Variants in SEC14L5 observed in about 807,000 individuals in gnomAD.
The protein encoded by SEC14L5 is SEC14-like protein 5.
SEC14L5 carries 96 observed loss-of-function variants against 84.6 expected under a neutral mutation model. The observed-to-expected ratio is 1.13, with a 90% CI of 0.96 to 1.34. The LOEUF (loss-of-function observed/expected upper bound fraction) is 1.34, where lower values mean the gene tolerates loss of function less well. Ranked by LOEUF, SEC14L5 falls within the 40% of genes most tolerant of loss-of-function variation. The pLI is 0.00. For synonymous variants in SEC14L5, 546 were observed against 383.4 expected (o/e 1.42, Z -4.95); for missense variants, 1,224 against 942.5 (o/e 1.30, Z -3.91).
intron 8 of SEC14L5, 112 bp downstream of exon 8, chr16:4,997,156 T>A: frequency 1.4e-6 from 1 of 724,326 alleles, no homozygotes; most frequent in Non-Finnish European, 2.1e-6. Context: ...TGGAGTGCAG[T>A]GGTGCCATCT....
In SEC14L5 at chr16:4,997,003, TGGA is replaced by T. The variant is rs761678438; in HGVS notation, c.934_936del (p.Glu312del). The T allele has an allele frequency of 5.0e-6, 8 of 1,613,290 alleles. No homozygotes were observed. In the South Asian group the frequency reaches 8.8e-5, roughly 18 times the overall value. On this transcript the variant is annotated inframe_deletion, in exon 8 of 16. Transcript: ENST00000251170. ...CAGACCTGGCAACCCCCTGCCCTGC[TGGA>T]GGAGTTCTATGCAGGGGGCTGGCAT...
intron 2 of SEC14L5, among the ~76,000 whole-genome samples, chr16:4,969,138 A>G (rs1470655619): frequency 6.6e-6 from 1 of 152,174 alleles, no homozygotes; most frequent in Non-Finnish European, 1.5e-5. Context: ...TGCTGCTCTG[A>G]TTTGCGCTGG....
At chr16:4,974,396 G>A (rs1026918261) in intron 2 of SEC14L5, among the ~76,000 whole-genome samples, 3 of 151,524 alleles carry the variant, frequency 2.0e-5, no homozygotes, top group Non-Finnish European at 4.4e-5. Context: ...TAGAGATGAG[G>A]TCTTGCTATG....
At position 4,998,840 on chromosome 16, in the gene SEC14L5, C is replaced by T. The variant is rs914420588; in HGVS notation, c.970+1796C>T. Among the ~76,000 whole-genome samples the T allele has an allele frequency of 2.6e-5, 4 of 151,304 alleles. No homozygotes were observed. In the East Asian group the frequency reaches 7.8e-4, roughly 29 times the overall value. On this transcript the variant is annotated intron_variant, in intron 8 of 15. Coordinates refer to ENST00000251170, the MANE Select transcript of SEC14L5 (RefSeq NM_014692.2). ...AACCGGCTGGCATGGTTTCTCTTAA[C>T]GATCAATCTTCCTAATTTATGGAAT...
intron 4 of SEC14L5, 82 bp from the exon 5 acceptor site, chr16:4,990,685 C>T (rs1955542743): frequency 7.2e-7 from 1 of 1,394,736 alleles, no homozygotes; most frequent in Non-Finnish European, 9.6e-7. Flanking sequence ...TCTGCCTGGG[C>T]CCAGGTCAGT....
At position 4,987,821 on chromosome 16, in the gene SEC14L5, G is replaced by A. The variant is rs532598514; in HGVS notation, c.213+115G>A. 3.5e-4 allele frequency: 279 copies of A among 788,316 alleles called. 2 individuals carry two copies. Among genetic ancestry groups the A allele is most frequent in the Non-Finnish European group, 4.9e-4 (253 of 515,630 alleles). The allele number at this position is 788,316 out of a possible 1,614,324, so 48.8% of individuals were successfully genotyped here. ...GGGGTCCAGGAGGTGGAGCAGGGGC[G>A]TGTGAGTTGATATTTGGATGGAGGT... is the stretch of plus-strand genomic sequence containing the variant. On this transcript the variant is annotated intron_variant, in intron 3 of 15. Transcript: ENST00000251170.
At chr16:5,014,835 G>C in intron 15 of SEC14L5, 24 bp from the exon 16 acceptor site, 2 of 1,579,820 alleles carry the variant, frequency 1.3e-6, no homozygotes, top group Non-Finnish European at 1.7e-6. Context: ...AGAGGGTAAC[G>C]TGTGCCACGC....
chr16:4,988,379 C>G (rs1436740607), intron 4 of SEC14L5, 99 bp downstream of exon 4: 26 of 1,414,402 alleles, frequency 1.8e-5, no homozygotes, highest in Non-Finnish European at 2.3e-5. Flanking sequence ...TGAGCCTCTG[C>G]CAAGCCCTCC....
intron 2 of SEC14L5, among the ~76,000 whole-genome samples, chr16:4,987,340 T>C (rs976562584): frequency 1.3e-5 from 2 of 152,222 alleles, no homozygotes; most frequent in Non-Finnish European, 2.9e-5. Context: ...GCAAAACTTA[T>C]GTGCCAAATC....
intron 15 of SEC14L5, among the ~76,000 whole-genome samples, chr16:5,012,642 C>T (rs140370237): frequency 7.2e-5 from 11 of 152,316 alleles, no homozygotes; most frequent in African/African-American, 1.9e-4. Flanking sequence ...TGGTGGCTCA[C>T]GCCTGTAATC....
rs116573409 is a variant in SEC14L5 at position 4,975,943 on chromosome 16, T to G, written c.64-11614T>G. On this transcript the variant is annotated intron_variant, in intron 2 of 15. Transcript: ENST00000251170. ...TGCAGCTTGGATATTCTTTCTGCATTCTTACTGGACGTTTTGGCGTAAGTG... is the reference window on the plus strand; with the variant it reads ...TGCAGCTTGGATATTCTTTCTGCATGCTTACTGGACGTTTTGGCGTAAGTG... 2.6e-3 allele frequency among the ~76,000 whole-genome samples: 392 copies of G among 152,308 alleles called. 3 individuals are homozygous for G. The highest frequency in any genetic ancestry group is 8.8e-3 in the African/African-American group (367 of 41,560).
chr16:5,001,216 C>T (rs1315024103), intron 10 of SEC14L5, among the ~76,000 whole-genome samples: 2 of 151,616 alleles, frequency 1.3e-5, no homozygotes, highest in Admixed American at 6.6e-5. Context: ...AAGACTTTAT[C>T]CTCCCACTCC....
chr16:5,000,725 G>A lies in SEC14L5; in HGVS notation c.1041G>A (p.Glu347=), dbSNP rs759490308. ...DTKGLMKAVG[E]EALLRHVLSV... ...AAGGCTTGATGAAGGCCGTGGGGGA[G>A]GAGGCGCTGCTGCGGCATGTGAGTC... Residue 347 remains glutamate, a synonymous_variant, in exon 9 of 16, where the codon GAG becomes GAA. Coordinates refer to ENST00000251170, the MANE Select transcript of SEC14L5 (RefSeq NM_014692.2). The A allele has an allele frequency of 2.6e-6, 4 of 1,552,616 alleles. No homozygotes were observed. Among genetic ancestry groups the A allele is most frequent in the Non-Finnish European group, 3.5e-6 (4 of 1,147,774 alleles).
chr16:4,972,624 A>G (rs551640126), intron 2 of SEC14L5, among the ~76,000 whole-genome samples: 1 of 152,316 alleles, frequency 6.6e-6, no homozygotes, highest in Admixed American at 6.5e-5. Context: ...ACTGGACACA[A>G]TGTCTTCCAG....
chr16:4,968,361 C>T (rs1955233203), intron 2 of SEC14L5, among the ~76,000 whole-genome samples: 1 of 152,034 alleles, frequency 6.6e-6, no homozygotes, highest in East Asian at 1.9e-4. Flanking sequence ...GTATTTTTAG[C>T]ACAGACGGGG....
intron 13 of SEC14L5, 80 bp downstream of exon 13, chr16:5,007,566 G>C: frequency 1.8e-6 from 2 of 1,097,956 alleles, no homozygotes; most frequent in Non-Finnish European, 2.6e-6. Flanking sequence ...AACACAGCTT[G>C]AGATGAGGAT....
At chr16:4,982,796 A>T (rs1252612810) in intron 2 of SEC14L5, among the ~76,000 whole-genome samples, 2 of 152,242 alleles carry the variant, frequency 1.3e-5, no homozygotes, top group Non-Finnish European at 2.9e-5. Flanking sequence ...TAAGTAACCC[A>T]CCCAAGGTCA....
At chr16:4,974,210 A>G (rs1157651865) in intron 2 of SEC14L5, among the ~76,000 whole-genome samples, 1 of 151,988 alleles carries the variant, frequency 6.6e-6, no homozygotes, top group Non-Finnish European at 1.5e-5. Context: ...AACACACTGG[A>G]CTGCATACTT....
At chr16:4,975,026 C>A (rs112907759) in intron 2 of SEC14L5, among the ~76,000 whole-genome samples, 3,084 of 152,164 alleles carry the variant, frequency 0.02, 88 homozygotes, top group African/African-American at 0.07. Flanking sequence ...AATCCGCCCA[C>A]CTCAGCCTCC....
Sources: allele counts gnomAD v4.1 joint callset (sites outside exome capture counted in the v4.1 genomes callset), GRCh38; gene constraint gnomAD v4.1.1; transcripts MANE v1.5; gene names NCBI Gene and HGNC (gene_info 2026-07-23, HGNC 2026-07-21).